The following ZC3H4 variants were observed in gnomAD, a reference collection of about 807,000 sequenced individuals.
ZC3H4 encodes zinc finger CCCH domain-containing protein 4.
ZC3H4 carries 13 observed loss-of-function variants against 108.3 expected under a neutral mutation model. The ratio of observed to expected loss-of-function variants is 0.12; its 90% CI spans 0.08 to 0.19. ZC3H4 has a LOEUF of 0.19. Ranked by LOEUF, ZC3H4 falls within the 10% of genes least tolerant of loss-of-function variation. ZC3H4 has a pLI of 1.00. For synonymous variants in ZC3H4, 917 were observed against 749.6 expected (o/e 1.22, Z -3.65); for missense variants, 1,734 against 1,838.8 (o/e 0.94, Z 1.04).
intron 2 of ZC3H4, among the ~76,000 whole-genome samples, chr19:47,101,189 A>G (rs2123059163): frequency 6.6e-6 from 1 of 151,340 alleles, no homozygotes; most frequent in African/African-American, 2.4e-5. Context: ...TAAATACAAA[A>G]CTTAGCCTGG....
chr19:47,099,225 C>T (rs1335172652), intron 2 of ZC3H4, among the ~76,000 whole-genome samples: 2 of 152,020 alleles, frequency 1.3e-5, no homozygotes, highest in African/African-American at 4.8e-5. Flanking sequence ...TTTGGGAGGC[C>T]GAGGTGGGCG....
At position 47,067,895 on chromosome 19, in the gene ZC3H4, G is replaced by A; in HGVS notation, c.2399-26C>T. On this transcript the variant is annotated intron_variant, in intron 14 of 14. Transcript: ENST00000253048. The surrounding 1 kb of genome is among the most constrained non-coding windows in gnomAD (Gnocchi z 6.4). Reference sequence around the variant, plus strand: ...CTGGGAAAGAACAGAGGAGCAGGGAGGGGTGAGTGGGCGCATCCACCACCC... The same window carrying A: ...CTGGGAAAGAACAGAGGAGCAGGGAAGGGTGAGTGGGCGCATCCACCACCC... 1.3e-6 allele frequency: 2 copies of A among 1,556,368 alleles called. No individual in the cohort carries two copies. The highest frequency in any genetic ancestry group is 1.7e-6 in the Non-Finnish European group (2 of 1,155,318).
At chr19:47,088,054 T>A (rs2122921927) in intron 5 of ZC3H4, among the ~76,000 whole-genome samples, 1 of 151,558 alleles carries the variant, frequency 6.6e-6, no homozygotes, top group Non-Finnish European at 1.5e-5. Flanking sequence ...GCACCTGTAG[T>A]CCCAGCTACT....
intron 11 of ZC3H4, among the ~76,000 whole-genome samples, chr19:47,078,768 G>A (rs922147263): frequency 1.3e-5 from 2 of 151,886 alleles, no homozygotes; most frequent in Non-Finnish European, 2.9e-5. Flanking sequence ...GCTGAAACAG[G>A]AAATCACTTG....
intron 2 of ZC3H4, chr19:47,110,967 G>GA: frequency 2.1e-6 from 2 of 974,728 alleles, no homozygotes; most frequent in Non-Finnish European, 2.4e-6. Context: ...CTGTGAAGGA[G>GA]AAAGGGGAAA....
At position 47,069,135 on chromosome 19, in the gene ZC3H4, C is replaced by T. The variant is rs755632696; in HGVS notation, c.2355G>A (p.Arg785=). 7.5e-6 allele frequency: 12 copies of T among 1,605,840 alleles called. No homozygotes were observed. The Admixed American group carries it at 2.0e-4, about 27-fold the overall frequency. ...QKQQEEEERA[R]RLAESSKQDR... ...CCTGCTTGCTGCTCTCAGCCAGCCT[C>T]CTCGCTCTCTCCTCCTCCTCCTGCT... The change falls in exon 14 of 15, where the codon AGG becomes AGA. Residue 785 remains arginine (R), a synonymous_variant. Coordinates refer to ENST00000253048, the MANE Select transcript of ZC3H4 (RefSeq NM_015168.2).
chr19:47,064,743 G>C lies in ZC3H4; in HGVS notation c.*1613C>G, dbSNP rs949302869. 1 of 102,806 alleles carries C rather than the reference G, an allele frequency of 9.7e-6. No individual in the cohort carries two copies. Among genetic ancestry groups the C allele is most frequent in the African/African-American group, 3.5e-5 (1 of 28,558 alleles). 6.4% of individuals were successfully genotyped at this position (102,806 alleles called of 1,614,324 possible). On this transcript the variant is annotated 3_prime_UTR_variant, in exon 15 of 15. Coordinates refer to ENST00000253048, the MANE Select transcript of ZC3H4 (RefSeq NM_015168.2). ...GTGTAAAAAAAAAAAAAAAAAAAAA[G>C]ACAAAAAGACAAACCAACCAACCAG... is the stretch of plus-strand genomic sequence containing the variant.
intron 4 of ZC3H4, among the ~76,000 whole-genome samples, chr19:47,091,684 G>A (rs1037890824): frequency 4.0e-5 from 6 of 149,722 alleles, no homozygotes; most frequent in Admixed American, 6.7e-5. Flanking sequence ...TCAGGAGTTC[G>A]AGACCAGCCT....
rs138151852 is a variant in ZC3H4 at position 47,090,172 on chromosome 19, G to T, written c.510C>A (p.Pro170=). ...PPYAPSHQQY[P]PSHATPLPKK... The stretch of plus-strand genomic sequence containing the variant: ...TGGGCAGGGGCGTGGCATGCGATGG[G>T]GGGTACTGCTGGTGGGACTGCGTCC... Residue 170 remains proline (P), a synonymous_variant, in exon 5 of 15, where the codon CCC becomes CCA. Transcript: ENST00000253048. The T allele has an allele frequency of 1.2e-6, 2 of 1,614,090 alleles. No individual in the cohort carries two copies. Among genetic ancestry groups the T allele is most frequent in the African/African-American group, 2.7e-5 (2 of 74,930 alleles).
Position 47,085,310 on chromosome 19 carries a change from C to T in ZC3H4, c.967+8G>A. The T allele has an allele frequency of 6.3e-7, 1 of 1,592,810 alleles. No individual in the cohort carries two copies. Among genetic ancestry groups the T allele is most frequent in the East Asian group, 2.2e-5 (1 of 44,656 alleles). ...CACCCAGCGTGTCCTCTCCAGGCCC[C>T]TGCCCACCTCGGCCTCGGCTGTCCT... On this transcript the variant is annotated splice_region_variant and intron_variant, in intron 7 of 14. Transcript: ENST00000253048.
At chr19:47,096,813 T>C in intron 2 of ZC3H4, 1 of 985,460 alleles carries the variant, frequency 1.0e-6, no homozygotes. Context: ...CCTCCTTTTC[T>C]GCACTGACAA....
chr19:47,076,325 G>GCGCA (rs1000600009), intron 11 of ZC3H4, among the ~76,000 whole-genome samples: 2 of 151,044 alleles, frequency 1.3e-5, no homozygotes, highest in African/African-American at 4.9e-5. Context: ...GCGCGCGCGC[G>GCGCA]CACACACACA....
intron 5 of ZC3H4, 87 bp downstream of exon 5, chr19:47,089,880 A>T (rs531197065): frequency 1.1e-4 from 156 of 1,423,730 alleles, no homozygotes; most frequent in Non-Finnish European, 1.5e-4. Flanking sequence ...TAAGTGACCA[A>T]ACTTGAGGTT....
chr19:47,076,779 G>C (rs2057429268), intron 11 of ZC3H4, among the ~76,000 whole-genome samples: 1 of 152,166 alleles, frequency 6.6e-6, no homozygotes, highest in Admixed American at 6.5e-5. Context: ...CAGATCACGA[G>C]GTCAGGAGTT....
intron 5 of ZC3H4, among the ~76,000 whole-genome samples, chr19:47,089,215 A>G (rs1255119715): frequency 2.0e-5 from 3 of 151,014 alleles, no homozygotes; most frequent in African/African-American, 7.3e-5. Flanking sequence ...AAAAAAAAAA[A>G]AAAAAAAAAA....
intron 6 of ZC3H4, 151 bp downstream of exon 6, chr19:47,086,233 A>T: frequency 1.2e-6 from 1 of 852,986 alleles, no homozygotes; most frequent in Non-Finnish European, 1.8e-6. Flanking sequence ...GAATATTTTT[A>T]AACACATACA....
chr19:47,066,127 G>GCCCCTGAGCCCGCCACACTGA lies in ZC3H4; in HGVS notation c.*208_*228dup. ...GCATGAGTCGGTTTGCTCAGCAGGA[G>GCCCCTGAGCCCGCCACACTGA]CCCCTGAGCCCGCCACACTGACCAG... is the stretch of plus-strand genomic sequence containing the variant. On this transcript the variant is annotated 3_prime_UTR_variant, in exon 15 of 15. Transcript: ENST00000253048. 1 of 394,390 alleles carries GCCCCTGAGCCCGCCACACTGA rather than the reference G, an allele frequency of 2.5e-6. No homozygotes were observed. Among genetic ancestry groups the GCCCCTGAGCCCGCCACACTGA allele is most frequent in the Non-Finnish European group, 4.5e-6 (1 of 223,656 alleles). 24.4% of individuals were successfully genotyped at this position (394,390 alleles called of 1,614,324 possible).
intron 2 of ZC3H4, among the ~76,000 whole-genome samples, chr19:47,099,316 G>A (rs948159949): frequency 6.6e-6 from 1 of 151,890 alleles, no homozygotes; most frequent in Non-Finnish European, 1.5e-5. Flanking sequence ...AAAATTAGTC[G>A]GGCTTGGAAG....
chr19:47,111,310 G>A (rs539287673), intron 2 of ZC3H4, among the ~76,000 whole-genome samples: 1 of 152,328 alleles, frequency 6.6e-6, no homozygotes, highest in Non-Finnish European at 1.5e-5. Context: ...CCTGAAACGC[G>A]CCGGGCTGAC....
Sources: gnomAD v4.1 joint callset for allele counts (sites outside exome capture counted in the v4.1 genomes callset) on GRCh38, gnomAD v4.1.1 for gene constraint, Gnocchi (gnomAD v3.1) non-coding constraint, MANE v1.5 for transcripts, NCBI Gene and HGNC (gene_info 2026-07-23, HGNC 2026-07-21) for gene names.